The following ZNF169 variants were observed in gnomAD, a reference collection of about 807,000 sequenced individuals.
The protein encoded by ZNF169 is zinc finger protein 169.
Under a neutral mutation model 12.0 loss-of-function variants are expected in ZNF169, and 11 were observed. The ratio of observed to expected loss-of-function variants is 0.92; its 90% CI spans 0.58 to 1.52. The LOEUF (loss-of-function observed/expected upper bound fraction) is 1.52, where lower values mean the gene tolerates loss of function less well. ZNF169 is among the 40% of genes most tolerant of loss of function. The probability of loss-of-function intolerance (pLI) is 0.00; values close to 1 mark genes in which losing one functional copy is unlikely to be tolerated. For synonymous variants in ZNF169, 302 were observed against 286.5 expected (o/e 1.05, Z -0.55); for missense variants, 722 against 744.0 (o/e 0.97, Z 0.34).
intron 2 of ZNF169, among the ~76,000 whole-genome samples, chr9:94,287,009 C>A (rs1887682): frequency 0.87 from 131,912 of 152,172 alleles, 58,607 homozygotes; most frequent in East Asian, 0.99. Flanking sequence ...ATGAGCCTCT[C>A]ATCAATTAGG....
At chr9:94,278,249 A>G (rs1830559975) in intron 1 of ZNF169, among the ~76,000 whole-genome samples, 1 of 152,134 alleles carries the variant, frequency 6.6e-6, no homozygotes, top group Admixed American at 6.5e-5. Context: ...TTTGGGACCT[A>G]ATTTTTGATA....
In ZNF169 at chr9:94,301,410, C is replaced by G. The variant is rs1486572527; in HGVS notation, c.*40C>G. ...GTGAGTGTGAAGCTGGCAGAAATCA[C>G]TAGTAAATGCTTCAGTTTCCTGAAA... On this transcript the variant is annotated 3_prime_UTR_variant, in exon 5 of 5. Transcript: ENST00000395395. The G allele has an allele frequency of 4.0e-6, 6 of 1,511,276 alleles. No homozygotes were observed. The highest frequency in any genetic ancestry group is 5.3e-6 in the Non-Finnish European group (6 of 1,129,684). 93.6% of individuals were successfully genotyped at this position (1,511,276 alleles called of 1,614,324 possible). A position where few individuals can be genotyped will look rare whatever the true frequency, so the allele number is the denominator to read the frequency against.
intron 1 of ZNF169, among the ~76,000 whole-genome samples, chr9:94,269,209 AG>A (rs1318125233): frequency 1.3e-5 from 2 of 152,146 alleles, no homozygotes; most frequent in Non-Finnish European, 2.9e-5. Context: ...CACAAGGGGG[AG>A]TGCACTCAGG....
chr9:94,277,968 T>A (rs1235277225), intron 1 of ZNF169, among the ~76,000 whole-genome samples: 1 of 151,980 alleles, frequency 6.6e-6, no homozygotes, highest in African/African-American at 2.4e-5. Context: ...AGAGCTTTGT[T>A]CTCAAAACCT....
At chr9:94,260,494 A>T (rs1435598278) in intron 1 of ZNF169, among the ~76,000 whole-genome samples, 1 of 114,090 alleles carries the variant, frequency 8.8e-6, no homozygotes. Context: ...GGGGGGGGGG[A>T]CGGCTAGGGC....
intron 2 of ZNF169, among the ~76,000 whole-genome samples, chr9:94,286,740 A>G (rs1830726002): frequency 6.6e-6 from 1 of 152,198 alleles, no homozygotes; most frequent in Admixed American, 6.5e-5. Flanking sequence ...GACTCTTCCA[A>G]GCTTACAGCT....
At chr9:94,275,564 A>G (rs1830503368) in intron 1 of ZNF169, among the ~76,000 whole-genome samples, 1 of 151,986 alleles carries the variant, frequency 6.6e-6, no homozygotes, top group African/African-American at 2.4e-5. Context: ...GGTGTAATAA[A>G]TTTTCTTAAC....
chr9:94,266,223 C>G (rs565547720), intron 1 of ZNF169, among the ~76,000 whole-genome samples: 1 of 152,162 alleles, frequency 6.6e-6, no homozygotes, highest in African/African-American at 2.4e-5. Flanking sequence ...TTTAACTTAA[C>G]CACTCAGTCA....
In ZNF169 at chr9:94,261,764, T is replaced by C. The variant is rs573803653; in HGVS notation, c.-56+2419T>C. ...TGTAGAACGAAGTAAAACTTGTGTA[T>C]GACACTTCTCTGATGTAGTTCTTTA... On this transcript the variant is annotated intron_variant, in intron 1 of 4. Coordinates refer to ENST00000395395, the MANE Select transcript of ZNF169 (RefSeq NM_194320.4). Among the ~76,000 whole-genome samples, 7 of 152,348 alleles carry C rather than the reference T, an allele frequency of 4.6e-5. No homozygotes were observed. The South Asian group carries it at 1.4e-3, about 32-fold the overall frequency.
chr9:94,261,323 C>G (rs550598889), intron 1 of ZNF169, among the ~76,000 whole-genome samples: 2 of 151,628 alleles, frequency 1.3e-5, no homozygotes, highest in African/African-American at 2.4e-5. Flanking sequence ...GCACCCCGCT[C>G]GAGACGGGGT....
At chr9:94,270,556 T>C (rs1368005900) in intron 1 of ZNF169, among the ~76,000 whole-genome samples, 1 of 142,198 alleles carries the variant, frequency 7.0e-6, no homozygotes, top group African/African-American at 2.6e-5. Context: ...GGAGTTTTTA[T>C]CATGAATAGC....
intron 2 of ZNF169, among the ~76,000 whole-genome samples, chr9:94,286,928 G>T (rs935565952): frequency 2.6e-4 from 39 of 152,194 alleles, no homozygotes; most frequent in African/African-American, 8.2e-4. Context: ...GGATGAACTG[G>T]GGTGGGAACA....
intron 2 of ZNF169, among the ~76,000 whole-genome samples, chr9:94,285,196 C>T (rs137982668): frequency 4.6e-5 from 7 of 152,132 alleles, no homozygotes; most frequent in African/African-American, 7.2e-5. Flanking sequence ...CAAAAGAACA[C>T]GCTTGAGATA....
rs371581461 is a variant in ZNF169, at chr9:94,300,117, C to T, written c.559C>T (p.Arg187Cys). Residue 187 changes from arginine (R) to cysteine (C), a missense_variant, in exon 5 of 5, where the codon CGC becomes TGC. By Grantham distance (180) the Arg-to-Cys change is radical. Coordinates refer to ENST00000395395, the MANE Select transcript of ZNF169 (RefSeq NM_194320.4). Reference sequence around the variant, plus strand: ...GAACAGAGAAGGAGGAACAGACCTTCGCCTGGCCCAAAGGATGAGTCTTGG... The same window carrying T: ...GAACAGAGAAGGAGGAACAGACCTTTGCCTGGCCCAAAGGATGAGTCTTGG... ...EGNREGGTDLRLAQRMSLGGS... is the reference protein window; with the variant it reads ...EGNREGGTDLCLAQRMSLGGS... 3 of 1,614,046 alleles carry T rather than the reference C, an allele frequency of 1.9e-6. No homozygotes were observed. Among genetic ancestry groups the T allele is most frequent in the Middle Eastern group, 1.6e-4 (1 of 6,084 alleles).
intron 1 of ZNF169, among the ~76,000 whole-genome samples, chr9:94,264,138 T>C (rs1830251074): frequency 2.5e-5 from 2 of 79,340 alleles, no homozygotes; most frequent in African/African-American, 5.6e-5. Context: ...ATAAACAGTC[T>C]TTTATTTTAT....
rs1419142535 is a variant in ZNF169, at chr9:94,300,681, C to T, written c.1123C>T (p.Leu375=). 3.7e-6 allele frequency: 6 copies of T among 1,613,854 alleles called. No homozygotes were observed. In the Admixed American group the frequency reaches 5.0e-5, roughly 13 times the overall value. The change falls in exon 5 of 5, where the codon CTG becomes TTG. Residue 375 remains leucine (L), a synonymous_variant. Transcript: ENST00000395395. The stretch of plus-strand genomic sequence containing the variant: ...CTCACACACAGGGGAGAGGCCCTTC[C>T]TGTGCCTTGAGTGTGGGCGTAGCTT... ...QSSHTGERPF[L]CLECGRSFRQ...
chr9:94,288,542 C>T, intron 2 of ZNF169: 1 of 529,014 alleles, frequency 1.9e-6, no homozygotes, highest in South Asian at 1.6e-5. Context: ...ATGTGAGTAG[C>T]ACAGCCATCT....
At chr9:94,286,082 T>C (rs2118621332) in intron 2 of ZNF169, among the ~76,000 whole-genome samples, 1 of 152,264 alleles carries the variant, frequency 6.6e-6, no homozygotes. Context: ...ACTTGCTTTC[T>C]TTATGAGATC....
At chr9:94,262,497 C>T (rs556364325) in intron 1 of ZNF169, among the ~76,000 whole-genome samples, 132 of 152,060 alleles carry the variant, frequency 8.7e-4, no homozygotes, top group African/African-American at 3.0e-3. Context: ...TTCACTCTGT[C>T]GCCCAGGCTG....
Sources: gnomAD v4.1 joint callset for allele counts (sites outside exome capture counted in the v4.1 genomes callset) on GRCh38, gnomAD v4.1.1 for gene constraint, MANE v1.5 for transcripts, NCBI Gene and HGNC (gene_info 2026-07-23, HGNC 2026-07-21) for gene names.